ERBB4: variants seen among roughly 807,000 people sequenced by gnomAD.
ERBB4 encodes the protein erb-b2 receptor tyrosine kinase 4.
A neutral mutation model predicts 158.0 loss-of-function variants in ERBB4; 42 were observed. That is an observed-to-expected ratio of 0.27 (90% confidence interval 0.21 to 0.34). The LOEUF (loss-of-function observed/expected upper bound fraction) is 0.34, where lower values mean the gene tolerates loss of function less well. Ranked by LOEUF, ERBB4 falls within the 10% of genes least tolerant of loss-of-function variation. The pLI is 1.00. For synonymous variants in ERBB4, 583 were observed against 558.7 expected, an observed-to-expected ratio of 1.04 and a Z score of -0.61; for missense variants, 1,333 against 1,624.1, an observed-to-expected ratio of 0.82 and a Z score of 3.08.
At chr2:212,198,730 G>A (rs1451505089) in intron 1 of ERBB4, among the ~76,000 whole-genome samples, 5 of 115,246 alleles carry the variant, frequency 4.3e-5, no homozygotes, top group East Asian at 2.1e-4. Context: ...GTATCACCAC[G>A]CCCTTTTTTT....
At chr2:212,402,721 T>C (rs1378648788) in intron 1 of ERBB4, among the ~76,000 whole-genome samples, 1 of 152,044 alleles carries the variant, frequency 6.6e-6, no homozygotes, top group Non-Finnish European at 1.5e-5. Context: ...AAAAAACAAC[T>C]GCATGTGTAT....
At chr2:211,867,337 A>G (rs913341651) in intron 3 of ERBB4, among the ~76,000 whole-genome samples, 1 of 152,340 alleles carries the variant, frequency 6.6e-6, no homozygotes. Flanking sequence ...TCATCTTATA[A>G]TCATTTGCAA....
At chr2:211,504,850 A>C (rs2065705691) in intron 20 of ERBB4, among the ~76,000 whole-genome samples, 2 of 152,208 alleles carry the variant, frequency 1.3e-5, no homozygotes, top group Admixed American at 6.5e-5. Flanking sequence ...AAGCAGAAAA[A>C]GGAATGTCAG....
chr2:211,766,727 T>A (rs1346805106), intron 4 of ERBB4, among the ~76,000 whole-genome samples: 1 of 152,142 alleles, frequency 6.6e-6, no homozygotes, highest in African/African-American at 2.4e-5. Context: ...CTAACGCCGA[T>A]CTGTGCTGAT....
At chr2:212,420,031 C>G (rs933593266) in intron 1 of ERBB4, among the ~76,000 whole-genome samples, 1 of 152,084 alleles carries the variant, frequency 6.6e-6, no homozygotes, top group South Asian at 2.1e-4. Flanking sequence ...ATTATGAAAA[C>G]TGAAACATCT....
chr2:211,709,264 T>TATATATACATAC (rs1344343979), intron 9 of ERBB4, among the ~76,000 whole-genome samples: 9 of 141,492 alleles, frequency 6.4e-5, no homozygotes, highest in African/African-American at 2.5e-4. Context: ...CATATATATA[T>TATATATACATAC]ATATATATAT....
intron 25 of ERBB4, among the ~76,000 whole-genome samples, chr2:211,389,277 C>A (rs189797726): frequency 2.6e-5 from 4 of 152,066 alleles, no homozygotes; most frequent in Non-Finnish European, 1.5e-5. Context: ...CCTGGTGATC[C>A]GCCTGCCTCG....
At chr2:212,221,346 T>A (rs17417461) in intron 1 of ERBB4, among the ~76,000 whole-genome samples, 8 of 151,468 alleles carry the variant, frequency 5.3e-5, no homozygotes, top group African/African-American at 1.9e-4. Context: ...AAGGATGTTC[T>A]TGTTAAAATT....
intron 3 of ERBB4, among the ~76,000 whole-genome samples, chr2:211,878,025 T>A (rs1274234990): frequency 6.6e-6 from 1 of 152,158 alleles, no homozygotes; most frequent in Non-Finnish European, 1.5e-5. Flanking sequence ...GCAGAATATC[T>A]TGAACCCAGG....
intron 1 of ERBB4, among the ~76,000 whole-genome samples, chr2:212,347,054 T>C (rs2089036524): frequency 6.6e-6 from 1 of 152,048 alleles, no homozygotes; most frequent in Admixed American, 6.6e-5. Context: ...TCTAAAAGAG[T>C]CATATCAGAT....
At chr2:211,825,449 T>G (rs1042455304) in intron 3 of ERBB4, among the ~76,000 whole-genome samples, 1 of 151,846 alleles carries the variant, frequency 6.6e-6, no homozygotes, top group African/African-American at 2.4e-5. Context: ...CTCTTCTGAC[T>G]TCTATAACTT....
intron 20 of ERBB4, among the ~76,000 whole-genome samples, chr2:211,454,516 A>C (rs1052255884): frequency 5.9e-5 from 9 of 152,170 alleles, no homozygotes; most frequent in Non-Finnish European, 1.3e-4. Flanking sequence ...AGACCCTCAA[A>C]CATTAAGACT....
rs35696520 is a variant in ERBB4 at position 211,515,912 on chromosome 2, A to ATATATATATATATATATATTTT, written c.2487+45990_2487+45991insAAAATATATATATATATATATA. ...AAACATATATTATATATATATATATATTTTTTTTTTTTTTTTTTTTGAGGC... is the reference window on the plus strand; with the variant it reads ...AAACATATATTATATATATATATATATATATATATATATATATATTTTTTTTTTTTTTTTTTTTTTTTGAGGC... On this transcript the variant is annotated intron_variant, in intron 20 of 27. Transcript: ENST00000342788. 4.5e-3 allele frequency among the ~76,000 whole-genome samples: 356 copies of ATATATATATATATATATATTTT among 78,814 alleles called. 3 individuals are homozygous for ATATATATATATATATATATTTT. Among genetic ancestry groups the ATATATATATATATATATATTTT allele is most frequent in the Non-Finnish European group, 7.1e-3 (296 of 41,684 alleles). The allele number at this position is 78,814 out of a possible 152,430, so 51.7% of individuals were successfully genotyped here. A position where few individuals can be genotyped will look rare whatever the true frequency, so the allele number is the denominator to read the frequency against.
In ERBB4 at chr2:211,837,998, C is replaced by A. The variant is rs190285147; in HGVS notation, c.422-49839G>T. ...CCCGTGCTGAGGGTTAGCTGAATGCCAAAGTGGACTGCTTGGGTACCATCA... is the reference window on the plus strand; with the variant it reads ...CCCGTGCTGAGGGTTAGCTGAATGCAAAAGTGGACTGCTTGGGTACCATCA... On this transcript the variant is annotated intron_variant, in intron 3 of 27. Coordinates refer to ENST00000342788, the MANE Select transcript of ERBB4 (RefSeq NM_005235.3). Among the ~76,000 whole-genome samples the A allele has an allele frequency of 1.5e-4, 23 of 151,974 alleles. No homozygotes were observed. The East Asian group carries it at 4.5e-3, about 29-fold the overall frequency.
At chr2:211,586,636 G>A (rs1274757299) in intron 19 of ERBB4, among the ~76,000 whole-genome samples, 1 of 152,158 alleles carries the variant, frequency 6.6e-6, no homozygotes, top group African/African-American at 2.4e-5. Flanking sequence ...AACACATGGT[G>A]ACTGGAAATG....
chr2:211,587,559 T>TA (rs1250366847), intron 19 of ERBB4, among the ~76,000 whole-genome samples: 4 of 151,960 alleles, frequency 2.6e-5, no homozygotes, highest in Non-Finnish European at 5.9e-5. Context: ...CCTAGAGACT[T>TA]AGAGGGAGCA....
chr2:211,860,494 TATC>T (rs952063626), intron 3 of ERBB4, among the ~76,000 whole-genome samples: 2 of 152,130 alleles, frequency 1.3e-5, no homozygotes, highest in East Asian at 3.9e-4. Flanking sequence ...TCACCTCAAT[TATC>T]ATTGTCCCTG....
chr2:212,057,275 T>A (rs1428578727), intron 2 of ERBB4, among the ~76,000 whole-genome samples: 1 of 152,158 alleles, frequency 6.6e-6, no homozygotes, highest in East Asian at 1.9e-4. Context: ...CCCAGATTCA[T>A]AAAGCAAGTC....
chr2:212,308,651 GC>G (rs1395328849), intron 1 of ERBB4, among the ~76,000 whole-genome samples: 2 of 150,946 alleles, frequency 1.3e-5, no homozygotes, highest in African/African-American at 4.8e-5. Flanking sequence ...AAAAAAGTTA[GC>G]AATGATCACT....
Sources: allele counts gnomAD v4.1 joint callset (sites outside exome capture counted in the v4.1 genomes callset), GRCh38; gene constraint gnomAD v4.1.1; transcripts MANE v1.5; gene names NCBI Gene and HGNC (gene_info 2026-07-23, HGNC 2026-07-21).